The following RBFOX1 variants were observed in gnomAD, a reference collection of about 807,000 sequenced individuals.
RBFOX1 encodes RNA binding fox-1 homolog 1.
A neutral mutation model predicts 57.7 loss-of-function variants in RBFOX1; 8 were observed. The observed-to-expected ratio is 0.14, with a 90% confidence interval of 0.08 to 0.25. The LOEUF (loss-of-function observed/expected upper bound fraction) is 0.25. Among genes scored for constraint, RBFOX1 ranks in the 10% least tolerant of loss-of-function variants. The pLI, the probability that RBFOX1 is intolerant of heterozygous loss-of-function variation, is 1.00. For missense variants in RBFOX1, 611 were observed against 548.5 expected (o/e 1.11, Z -1.14); for synonymous variants, 326 against 222.4 (o/e 1.47, Z -4.15).
chr16:5,605,450 AGTGGTGCCATTGAT>A (rs1018569049), intron 3 of RBFOX1, among the ~76,000 whole-genome samples: 1 of 152,338 alleles, frequency 6.6e-6, no homozygotes, highest in African/African-American at 2.4e-5. Context: ...AGTAGGGAAG[AGTGGTGCCATTGAT>A]GAGTAATAGG....
At chr16:5,713,439 T>A (rs1181551637) in intron 3 of RBFOX1, among the ~76,000 whole-genome samples, 5 of 152,292 alleles carry the variant, frequency 3.3e-5, no homozygotes, top group African/African-American at 1.2e-4. Flanking sequence ...GTTGCTGTTT[T>A]TGAAGTAAAA....
intron 4 of RBFOX1, among the ~76,000 whole-genome samples, chr16:7,086,000 GGGCTGT>G (rs563620951): frequency 2.2e-4 from 34 of 152,234 alleles, no homozygotes; most frequent in Admixed American, 2.0e-3. Flanking sequence ...TGTCAGTTGA[GGGCTGT>G]GTTGTTATTT....
chr16:6,840,222 T>G (rs898589110), intron 3 of RBFOX1, among the ~76,000 whole-genome samples: 3 of 152,198 alleles, frequency 2.0e-5, no homozygotes, highest in African/African-American at 4.8e-5. Context: ...AAAAGAGGTC[T>G]TTCTTTCTTT....
chr16:5,711,062 A>G (rs1596891631), intron 3 of RBFOX1, among the ~76,000 whole-genome samples: 1 of 152,208 alleles, frequency 6.6e-6, no homozygotes, highest in African/African-American at 2.4e-5. Context: ...TTGATCTGGA[A>G]GGGGAGAGAG....
chr16:6,741,693 G>T (rs569075025), intron 3 of RBFOX1, among the ~76,000 whole-genome samples: 8 of 151,872 alleles, frequency 5.3e-5, no homozygotes, highest in African/African-American at 1.9e-4. Flanking sequence ...AATTAAGGAT[G>T]TGGTCTCTGA....
At chr16:6,695,037 C>G (rs2060810065) in intron 3 of RBFOX1, among the ~76,000 whole-genome samples, 1 of 152,014 alleles carries the variant, frequency 6.6e-6, no homozygotes. Flanking sequence ...TTAAATCAGC[C>G]AGGCTTTGAT....
At chr16:6,658,179 A>G (rs1027836301) in intron 3 of RBFOX1, among the ~76,000 whole-genome samples, 2 of 151,810 alleles carry the variant, frequency 1.3e-5, no homozygotes, top group Admixed American at 1.3e-4. Context: ...TTCCCACTGA[A>G]TCTTAGACCA....
chr16:5,640,185 A>G (rs2048812410), intron 3 of RBFOX1, among the ~76,000 whole-genome samples: 1 of 152,162 alleles, frequency 6.6e-6, no homozygotes, highest in Admixed American at 6.5e-5. Context: ...GCAGGACAGC[A>G]TTGCTCTCTG....
chr16:7,625,339 T>C (rs1194086997), intron 10 of RBFOX1, among the ~76,000 whole-genome samples: 1 of 152,266 alleles, frequency 6.6e-6, no homozygotes, highest in Non-Finnish European at 1.5e-5. Context: ...GAGCAGTCTT[T>C]TCTGTTATAA....
chr16:6,198,300 AAAGAATCAGC>A (rs1291641285), intron 1 of RBFOX1, among the ~76,000 whole-genome samples: 1 of 152,204 alleles, frequency 6.6e-6, no homozygotes, highest in African/African-American at 2.4e-5. Flanking sequence ...TAAAAAGGAG[AAAGAATCAGC>A]AAGACTTGAT....
chr16:5,307,965 A>T (rs916030037), intron 1 of RBFOX1, among the ~76,000 whole-genome samples: 1 of 152,174 alleles, frequency 6.6e-6, no homozygotes, highest in Non-Finnish European at 1.5e-5. Context: ...AGCTTGAACC[A>T]CCGTGCCTGA....
intron 4 of RBFOX1, among the ~76,000 whole-genome samples, chr16:7,348,198 A>C: frequency 6.6e-6 from 1 of 152,228 alleles, no homozygotes. Flanking sequence ...TGCATATACC[A>C]CATAGATACA....
intron 4 of RBFOX1, among the ~76,000 whole-genome samples, chr16:7,407,097 C>T (rs1014704434): frequency 2.0e-5 from 3 of 151,988 alleles, no homozygotes; most frequent in South Asian, 2.1e-4. Flanking sequence ...TTTGGGGGAA[C>T]GGGTGGTATT....
intron 3 of RBFOX1, among the ~76,000 whole-genome samples, chr16:5,699,983 C>T (rs2050981768): frequency 6.6e-6 from 1 of 152,102 alleles, no homozygotes. Flanking sequence ...CAGGCGCCCG[C>T]CACCACGCCC....
chr16:6,577,377 G>A (rs1427584124), intron 2 of RBFOX1: 1 of 152,164 alleles, frequency 6.6e-6, no homozygotes, highest in Non-Finnish European at 1.5e-5. Flanking sequence ...TTTGTCAGTA[G>A]GAGCTTATTA....
At chr16:5,998,116 A>G (rs909853072) in intron 4 of RBFOX1, among the ~76,000 whole-genome samples, 3 of 152,172 alleles carry the variant, frequency 2.0e-5, no homozygotes, top group Non-Finnish European at 4.4e-5. Flanking sequence ...TGTACAGCAG[A>G]GTTTCAAGTC....
At chr16:5,890,957 T>G (rs1361230712) in intron 4 of RBFOX1, among the ~76,000 whole-genome samples, 4 of 152,202 alleles carry the variant, frequency 2.6e-5, no homozygotes, top group African/African-American at 4.8e-5. Context: ...CGCCTGGATC[T>G]GAATTTCTCA....
chr16:5,521,508 A>C (rs966928405), intron 2 of RBFOX1, among the ~76,000 whole-genome samples: 24 of 101,716 alleles, frequency 2.4e-4, no homozygotes, highest in African/African-American at 8.6e-4. Context: ...GAACCTGTCA[A>C]CGAACCTATC....
At chr16:7,213,802 C>T (rs949321499) in intron 4 of RBFOX1, among the ~76,000 whole-genome samples, 1 of 152,124 alleles carries the variant, frequency 6.6e-6, no homozygotes, top group African/African-American at 2.4e-5. Context: ...AATGTCAAAG[C>T]CAGTTATTCT....
Sources: gnomAD v4.1 joint callset for allele counts (sites outside exome capture counted in the v4.1 genomes callset) on GRCh38, gnomAD v4.1.1 for gene constraint, MANE v1.5 for transcripts, NCBI Gene and HGNC (gene_info 2026-07-23, HGNC 2026-07-21) for gene names.